LRRC49: variants seen among roughly 807,000 people sequenced by gnomAD.
LRRC49 encodes the protein leucine rich repeat containing 49.
A neutral mutation model predicts 83.3 loss-of-function variants in LRRC49; 50 were observed. That is an observed-to-expected ratio of 0.60 (90% CI 0.48 to 0.76). LRRC49 has a LOEUF of 0.76. Among genes scored for constraint, LRRC49 ranks in the 30% least tolerant of loss-of-function variants. The pLI, the probability that LRRC49 is intolerant of heterozygous loss-of-function variation, is 0.00. For missense variants in LRRC49, 704 were observed against 809.1 expected (o/e 0.87, Z 1.58); for synonymous variants, 286 against 283.3 (o/e 1.01, Z -0.10).
intron 11 of LRRC49, among the ~76,000 whole-genome samples, chr15:71,006,072 C>A (rs544210042): frequency 3.9e-5 from 6 of 152,264 alleles, no homozygotes; most frequent in Admixed American, 2.0e-4. Flanking sequence ...AGCCTGTCTG[C>A]AGCCCAGGAG....
chr15:71,043,736 A>G (rs1400927786), intron 15 of LRRC49, among the ~76,000 whole-genome samples: 3 of 152,246 alleles, frequency 2.0e-5, no homozygotes, highest in African/African-American at 7.2e-5. Flanking sequence ...ACATGTCCCT[A>G]GAGAAACAGT....
chr15:70,984,454 C>A (rs2037521187), intron 11 of LRRC49, 197 bp downstream of exon 11: 6 of 443,052 alleles, frequency 1.4e-5, no homozygotes, highest in Non-Finnish European at 2.3e-5. Flanking sequence ...CTTCATAGGG[C>A]ATTTCATATT....
At chr15:71,002,991 G>A (rs1007896700) in intron 11 of LRRC49, among the ~76,000 whole-genome samples, 3 of 131,610 alleles carry the variant, frequency 2.3e-5, no homozygotes, top group African/African-American at 5.7e-5. Flanking sequence ...AGGCTGGAGC[G>A]CAATGGTGCA....
chr15:70,989,984 C>T (rs2037798766), intron 11 of LRRC49, among the ~76,000 whole-genome samples: 1 of 152,120 alleles, frequency 6.6e-6, no homozygotes, highest in Non-Finnish European at 1.5e-5. Flanking sequence ...CTGATCGTTC[C>T]TCTTGAAGTT....
At chr15:70,866,357 G>A (rs1174154921) in intron 1 of LRRC49, among the ~76,000 whole-genome samples, 1 of 152,046 alleles carries the variant, frequency 6.6e-6, no homozygotes, top group African/African-American at 2.4e-5. Flanking sequence ...ATGTTGGCCA[G>A]GATGGTCTCC....
chr15:71,017,317 G>A (rs1233748019), intron 14 of LRRC49, among the ~76,000 whole-genome samples: 1 of 151,884 alleles, frequency 6.6e-6, no homozygotes, highest in East Asian at 1.9e-4. Context: ...TCTTAGAAAG[G>A]CATTTATCAT....
At chr15:70,854,230 C>T in intron 1 of LRRC49, 1 of 405,714 alleles carries the variant, frequency 2.5e-6, no homozygotes, top group Non-Finnish European at 3.4e-6. Context: ...TCGCGGCGCC[C>T]CGCCCCGCGC....
At chr15:70,966,003 T>C (rs1008861023) in intron 9 of LRRC49, among the ~76,000 whole-genome samples, 1 of 152,114 alleles carries the variant, frequency 6.6e-6, no homozygotes, top group African/African-American at 2.4e-5. Context: ...GCCCATTCAT[T>C]TATGTATTAT....
intron 4 of LRRC49, among the ~76,000 whole-genome samples, chr15:70,903,646 G>T (rs950938779): frequency 3.9e-5 from 6 of 152,042 alleles, no homozygotes; most frequent in Admixed American, 6.5e-5. Flanking sequence ...TACTGAAAGA[G>T]AATATTTCTA....
intron 2 of LRRC49, among the ~76,000 whole-genome samples, chr15:70,874,386 A>C (rs1432983511): frequency 6.6e-6 from 1 of 152,216 alleles, no homozygotes; most frequent in Non-Finnish European, 1.5e-5. Context: ...AACTGGGATC[A>C]AGAAAAGGAA....
rs531545668 is a variant in LRRC49, at chr15:70,994,023, T to C, written c.1169+9766T>C. 1.8e-4 allele frequency among the ~76,000 whole-genome samples: 27 copies of C among 152,234 alleles called. 1 individual carries two copies. In the South Asian group the frequency reaches 5.2e-3, roughly 29 times the overall value. ...CACCACACCTGGCTAATTTTTGTAT[T>C]TTTAAAAGAGGCAGGGTTTCACCAT... On this transcript the variant is annotated intron_variant, in intron 11 of 15. Transcript: ENST00000260382.
chr15:70,907,802 T>C (rs2034380891), intron 5 of LRRC49: 1 of 365,884 alleles, frequency 2.7e-6, no homozygotes, highest in Admixed American at 3.4e-5. Context: ...TAGTTTCAGT[T>C]TCTATTCAAT....
In LRRC49 at chr15:70,995,709, AT is replaced by A. The variant is rs1392729763; in HGVS notation, c.1169+11456del. ...AGACTATTAACGTGACTTTCATGAC[AT>A]TTTGAACTTTTAAAGTGGCATATGG... On this transcript the variant is annotated intron_variant, in intron 11 of 15. Coordinates refer to ENST00000260382, the MANE Select transcript of LRRC49 (RefSeq NM_017691.5). 2.6e-5 allele frequency among the ~76,000 whole-genome samples: 4 copies of A among 152,184 alleles called. No homozygotes were observed. In the East Asian group the frequency reaches 7.7e-4, roughly 29 times the overall value.
At chr15:70,931,672 T>C (rs1191749494) in intron 7 of LRRC49, among the ~76,000 whole-genome samples, 6 of 152,224 alleles carry the variant, frequency 3.9e-5, no homozygotes, top group African/African-American at 1.4e-4. Flanking sequence ...ATAGTCTTTA[T>C]CAAGTTACTA....
intron 4 of LRRC49, among the ~76,000 whole-genome samples, chr15:70,904,184 A>C (rs2034202610): frequency 6.6e-6 from 1 of 152,198 alleles, no homozygotes; most frequent in African/African-American, 2.4e-5. Context: ...GATTGATGCC[A>C]AGGGCATTTG....
At chr15:71,020,274 T>C (rs2038953137) in intron 14 of LRRC49, among the ~76,000 whole-genome samples, 1 of 152,114 alleles carries the variant, frequency 6.6e-6, no homozygotes, top group African/African-American at 2.4e-5. Flanking sequence ...TTCTGGAATG[T>C]AGTACAAAAA....
intron 15 of LRRC49, among the ~76,000 whole-genome samples, chr15:71,037,801 C>T (rs58153713): frequency 0.063 from 9,599 of 152,078 alleles, 366 homozygotes; most frequent in South Asian, 0.16. Flanking sequence ...ATTACTTAAT[C>T]ATATAATTTC....
upstream of LRRC49, chr15:70,892,465 T>G: frequency 4.6e-6 from 7 of 1,525,754 alleles, no homozygotes; most frequent in African/African-American, 1.4e-5. Context: ...CTTTGATATC[T>G]TCCTCCTCCT....
intron 1 of LRRC49, 34 bp downstream of exon 1, chr15:70,892,976 A>G (rs375129744): frequency 2.5e-6 from 4 of 1,610,132 alleles, no homozygotes; most frequent in Non-Finnish European, 3.4e-6. Context: ...CTTTCTTCCC[A>G]CTGGTACTCT....
Sources: allele counts gnomAD v4.1 joint callset (sites outside exome capture counted in the v4.1 genomes callset), GRCh38; gene constraint gnomAD v4.1.1; transcripts MANE v1.5; gene names NCBI Gene and HGNC (gene_info 2026-07-23, HGNC 2026-07-21).